Variants in TRPM3 observed in about 807,000 individuals in gnomAD.
TRPM3 encodes transient receptor potential cation channel subfamily M member 3, also known as long transient receptor potential channel 3.
A neutral mutation model predicts 181.2 loss-of-function variants in TRPM3; 77 were observed. The ratio of observed to expected loss-of-function variants is 0.42; its 90% CI spans 0.35 to 0.51. The LOEUF (loss-of-function observed/expected upper bound fraction) is 0.51. Ranked by LOEUF, TRPM3 falls within the 20% of genes least tolerant of loss-of-function variation. The pLI is 0.01. For missense variants in TRPM3, 1,759 were observed against 2,196.7 expected, an observed-to-expected ratio of 0.80 and a Z score of 3.98; for synonymous variants, 745 against 796.4, an observed-to-expected ratio of 0.94 and a Z score of 1.09.
chr9:70,553,830 T>A (rs1202877004), intron 22 of TRPM3, among the ~76,000 whole-genome samples: 2 of 152,172 alleles, frequency 1.3e-5, no homozygotes, highest in Non-Finnish European at 2.9e-5. Flanking sequence ...AGCTAACGAT[T>A]TGCTGTCTCA....
chr9:70,606,651 G>GTATATATATATATATATA (rs1554775917), intron 19 of TRPM3, among the ~76,000 whole-genome samples: 1 of 140,682 alleles, frequency 7.1e-6, no homozygotes, highest in African/African-American at 2.6e-5. Flanking sequence ...GTGTGTGTGT[G>GTATATATATATATATATA]TATATATATA....
At chr9:71,293,589 G>C (rs753022683) in intron 1 of TRPM3, among the ~76,000 whole-genome samples, 1 of 143,964 alleles carries the variant, frequency 6.9e-6, no homozygotes, top group Non-Finnish European at 1.5e-5. Flanking sequence ...TAAATGGAGA[G>C]ATATACTACA....
chr9:70,598,349 T>G, intron 21 of TRPM3, 70 bp downstream of exon 21: 1 of 1,563,052 alleles, frequency 6.4e-7, no homozygotes, highest in Non-Finnish European at 8.7e-7. Context: ...AAATGAATTA[T>G]TTCCCTCTAT....
intron 1 of TRPM3, among the ~76,000 whole-genome samples, chr9:71,133,705 T>C (rs555599979): frequency 5.9e-5 from 9 of 152,340 alleles, no homozygotes; most frequent in Admixed American, 1.3e-4. Flanking sequence ...TTTTGTAGTT[T>C]TCCACATAGC....
At position 71,008,916 on chromosome 9, in the gene TRPM3, C is replaced by A. The variant is rs578076453; in HGVS notation, c.177+112262G>T. Among the ~76,000 whole-genome samples the A allele has an allele frequency of 4.6e-5, 7 of 152,248 alleles. No individual in the cohort carries two copies. In the East Asian group the frequency reaches 1.2e-3, roughly 25 times the overall value. On this transcript the variant is annotated intron_variant, in intron 1 of 25. Transcript: ENST00000677713. ...TCATCCCAAAGATGCAAGGATGGTT[C>A]AAAATATGCAAATCAATAAATGTGG...
upstream of TRPM3, among the ~76,000 whole-genome samples, chr9:71,125,267 ATGTGTG>A (rs1389136879): frequency 1.3e-5 from 2 of 152,146 alleles, no homozygotes; most frequent in Non-Finnish European, 2.9e-5. Flanking sequence ...ACACAGGTAA[ATGTGTG>A]CCATGGTGGT....
At chr9:70,753,273 A>C (rs1426166747) in intron 8 of TRPM3, among the ~76,000 whole-genome samples, 1 of 152,172 alleles carries the variant, frequency 6.6e-6, no homozygotes, top group Non-Finnish European at 1.5e-5. Context: ...ACAAGCCCCA[A>C]ACTGAGAAAA....
chr9:70,800,633 C>T (rs1420886048), intron 6 of TRPM3, among the ~76,000 whole-genome samples: 1 of 152,186 alleles, frequency 6.6e-6, no homozygotes, highest in Admixed American at 6.5e-5. Flanking sequence ...TGATGACCCA[C>T]TTCTACTTAG....
chr9:70,586,800 A>C (rs117902563), intron 22 of TRPM3, among the ~76,000 whole-genome samples: 35 of 152,344 alleles, frequency 2.3e-4, no homozygotes, highest in Admixed American at 8.5e-4. Context: ...ATGCTGCTCT[A>C]AACTTCACCA....
intron 1 of TRPM3, among the ~76,000 whole-genome samples, chr9:70,974,884 G>C (rs1345343242): frequency 2.8e-5 from 1 of 35,944 alleles, no homozygotes; most frequent in African/African-American, 1.1e-4. Flanking sequence ...TTTTTTTTTT[G>C]AGGTAGAGTC....
At chr9:71,138,811 C>T (rs1032916979) in intron 1 of TRPM3, among the ~76,000 whole-genome samples, 3 of 152,130 alleles carry the variant, frequency 2.0e-5, no homozygotes, top group Admixed American at 1.3e-4. Context: ...GGTGTACTTA[C>T]AACTTACATT....
intron 1 of TRPM3, among the ~76,000 whole-genome samples, chr9:71,157,113 C>T (rs994135105): frequency 1.3e-5 from 2 of 152,146 alleles, no homozygotes; most frequent in Non-Finnish European, 2.9e-5. Context: ...TGGATACACA[C>T]TGACTTTCTT....
intron 1 of TRPM3, among the ~76,000 whole-genome samples, chr9:71,341,876 A>G (rs1439274758): frequency 2.6e-5 from 4 of 152,026 alleles, no homozygotes; most frequent in Non-Finnish European, 4.4e-5. Context: ...CCATAAAGTC[A>G]AAGAAAAATT....
In TRPM3 at chr9:70,844,955, C is replaced by G. The variant is rs574930934; in HGVS notation, c.676+1423G>C. The stretch of plus-strand genomic sequence containing the variant: ...GGAAACATGGAGCCCAAAACCTGAA[C>G]AGTCATTGAAAGAAAAATTGCTCTG... On this transcript the variant is annotated intron_variant, in intron 4 of 25. Transcript: ENST00000677713. 1.8e-4 allele frequency among the ~76,000 whole-genome samples: 28 copies of G among 152,214 alleles called. No homozygotes were observed. The South Asian group carries it at 4.8e-3, about 26-fold the overall frequency.
At chr9:70,904,679 A>C (rs1344016954) in intron 1 of TRPM3, among the ~76,000 whole-genome samples, 1 of 152,220 alleles carries the variant, frequency 6.6e-6, no homozygotes, top group African/African-American at 2.4e-5. Context: ...TGGGTTTGTT[A>C]TACTTAGTTT....
At chr9:70,751,975 T>C (rs1348471206) in intron 8 of TRPM3, among the ~76,000 whole-genome samples, 2 of 150,156 alleles carry the variant, frequency 1.3e-5, no homozygotes, top group Non-Finnish European at 3.0e-5. Flanking sequence ...TTAATTTCAA[T>C]GCAGTTTCAA....
At position 71,170,259 on chromosome 9, in the gene TRPM3, G is replaced by C. The variant is rs534598174; in HGVS notation, c.183+276394C>G. Among the ~76,000 whole-genome samples, 4 of 152,146 alleles carry C rather than the reference G, an allele frequency of 2.6e-5. No individual in the cohort carries two copies. In the South Asian group the frequency reaches 8.3e-4, roughly 32 times the overall value. ...CAGAATAGAGAACACGAAGATGAAG[G>C]GAAGGGAAGGGACAGGGAATGAGGT... On this transcript the variant is annotated intron_variant, in intron 1 of 24. Coordinates refer to the TRPM3 transcript ENST00000357533.
intron 1 of TRPM3, among the ~76,000 whole-genome samples, chr9:71,386,123 A>T (rs993024515): frequency 3.3e-5 from 5 of 152,148 alleles, no homozygotes; most frequent in African/African-American, 1.2e-4. Flanking sequence ...CAGTCGACAG[A>T]AAGAGGCAGA....
rs548710333 is a variant in TRPM3, at chr9:70,687,866, C to T, written c.1273-6288G>A. ...TGAGTATCTCTTCTGTGCCAGGCAC[C>T]GTTTAGGTGCTGGGAATGGAGCAGT... On this transcript the variant is annotated intron_variant, in intron 8 of 25. Transcript: ENST00000677713. 5.9e-5 allele frequency among the ~76,000 whole-genome samples: 9 copies of T among 152,308 alleles called. No individual in the cohort carries two copies. In the South Asian group the frequency reaches 1.4e-3, roughly 25 times the overall value.
Sources: gnomAD v4.1 joint callset for allele counts (sites outside exome capture counted in the v4.1 genomes callset) on GRCh38, gnomAD v4.1.1 for gene constraint, MANE v1.5 for transcripts, NCBI Gene and HGNC (gene_info 2026-07-23, HGNC 2026-07-21) for gene names.